FHIP1A: variants seen among roughly 807,000 people sequenced by gnomAD.
The protein encoded by FHIP1A is FHF complex subunit HOOK interacting protein 1A.
In FHIP1A, 61 loss-of-function variants were observed where a neutral mutation model predicts 88.6. That is an observed-to-expected ratio of 0.69 (90% CI 0.56 to 0.85). The LOEUF is 0.85. FHIP1A is among the 40% of genes least tolerant of loss of function. The probability of loss-of-function intolerance (pLI) is 0.00; values close to 1 mark genes in which losing one functional copy is unlikely to be tolerated. For synonymous variants in FHIP1A, 478 were observed against 496.0 expected, an observed-to-expected ratio of 0.96 and a Z score of 0.48; for missense variants, 1,154 against 1,273.5, an observed-to-expected ratio of 0.91 and a Z score of 1.43.
At chr4:151,624,280 T>G (rs1735860895) in intron 7 of FHIP1A, among the ~76,000 whole-genome samples, 1 of 152,152 alleles carries the variant, frequency 6.6e-6, no homozygotes, top group Non-Finnish European at 1.5e-5. Flanking sequence ...TTGGGCCAGT[T>G]AAATGCATTG....
chr4:151,427,844 C>T (rs144336291), intron 1 of FHIP1A, among the ~76,000 whole-genome samples: 74 of 152,038 alleles, frequency 4.9e-4, no homozygotes, highest in African/African-American at 1.3e-3. Flanking sequence ...AAATCATTGG[C>T]GAAGGAATAG....
At chr4:151,429,133 A>G (rs1733496240) in intron 1 of FHIP1A, among the ~76,000 whole-genome samples, 2 of 150,158 alleles carry the variant, frequency 1.3e-5, no homozygotes, top group African/African-American at 2.5e-5. Flanking sequence ...TTACATCACT[A>G]TGTATCTTTT....
intron 7 of FHIP1A, among the ~76,000 whole-genome samples, chr4:151,590,050 A>G (rs1444007465): frequency 6.6e-6 from 1 of 152,188 alleles, no homozygotes; most frequent in Non-Finnish European, 1.5e-5. Context: ...TCTGGAAAAT[A>G]CAGAACTTGT....
rs1401631752 is a variant in FHIP1A, at chr4:151,664,576, A to C, written c.*1822A>C. On this transcript the variant is annotated 3_prime_UTR_variant, in exon 14 of 14. Transcript: ENST00000435205. Reference sequence around the variant, plus strand: ...GCAGCCAGAAGGGATGAAGCACAGCAGACTGGTCTGCTTCTGGCTTCCTGA... The same window carrying C: ...GCAGCCAGAAGGGATGAAGCACAGCCGACTGGTCTGCTTCTGGCTTCCTGA... 6.6e-6 allele frequency among the ~76,000 whole-genome samples: 1 copy of C among 152,236 alleles called. No individual in the cohort carries two copies. The highest frequency in any genetic ancestry group is 1.5e-5 in the Non-Finnish European group (1 of 68,042).
intron 1 of FHIP1A, among the ~76,000 whole-genome samples, chr4:151,410,335 C>T (rs1276490849): frequency 6.6e-6 from 1 of 152,196 alleles, no homozygotes; most frequent in Admixed American, 6.5e-5. Flanking sequence ...GAAGGAGAGA[C>T]AGCTTTCAGG....
chr4:151,562,119 A>G (rs955472229), intron 3 of FHIP1A, among the ~76,000 whole-genome samples: 1 of 152,336 alleles, frequency 6.6e-6, no homozygotes, highest in Admixed American at 6.5e-5. Flanking sequence ...CTCCTAGCTC[A>G]AAGCTCAGGT....
At chr4:151,538,535 A>T (rs1732152725) in intron 3 of FHIP1A, among the ~76,000 whole-genome samples, 1 of 152,204 alleles carries the variant, frequency 6.6e-6, no homozygotes. Flanking sequence ...GGTTCTTAGG[A>T]ATGCTAAAGT....
At chr4:151,541,703 A>G (rs569643641) in intron 3 of FHIP1A, among the ~76,000 whole-genome samples, 1 of 152,308 alleles carries the variant, frequency 6.6e-6, no homozygotes, top group East Asian at 1.9e-4. Flanking sequence ...CTGCTTCTTT[A>G]AAACAAGGGG....
At chr4:151,605,608 C>CA (rs1335397388) in intron 7 of FHIP1A, among the ~76,000 whole-genome samples, 2 of 152,212 alleles carry the variant, frequency 1.3e-5, no homozygotes, top group African/African-American at 4.8e-5. Context: ...GAACAACATA[C>CA]ATGGGTAGAA....
intron 3 of FHIP1A, among the ~76,000 whole-genome samples, chr4:151,512,130 G>T (rs376669460): frequency 6.6e-6 from 1 of 152,208 alleles, no homozygotes; most frequent in East Asian, 1.9e-4. Context: ...CGTGGATCAC[G>T]AAAATCCGCT....
intron 3 of FHIP1A, among the ~76,000 whole-genome samples, chr4:151,509,964 G>A (rs1730970286): frequency 6.6e-6 from 1 of 152,120 alleles, no homozygotes; most frequent in African/African-American, 2.4e-5. Context: ...TTTAAAACAT[G>A]GCAGGTCCTG....
rs548358388 is a variant in FHIP1A, at chr4:151,614,027, G to A, written c.979-15675G>A. Among the ~76,000 whole-genome samples, 4 of 152,198 alleles carry A rather than the reference G, an allele frequency of 2.6e-5. No homozygotes were observed. The South Asian group carries it at 6.2e-4, about 24-fold the overall frequency. ...AAAATACAAAACTTAGCTGGGTGTGGTGGCGCACGCCTGTAGTCTGAGCTA... is the reference window on the plus strand; with the variant it reads ...AAAATACAAAACTTAGCTGGGTGTGATGGCGCACGCCTGTAGTCTGAGCTA... On this transcript the variant is annotated intron_variant, in intron 7 of 13. Coordinates refer to ENST00000435205, the MANE Select transcript of FHIP1A (RefSeq NM_001109977.3).
intron 7 of FHIP1A, among the ~76,000 whole-genome samples, chr4:151,629,336 G>A (rs1412244934): frequency 6.6e-6 from 1 of 152,076 alleles, no homozygotes; most frequent in Non-Finnish European, 1.5e-5. Context: ...AAGTTATTCC[G>A]GGCTTTCTAA....
intron 11 of FHIP1A, among the ~76,000 whole-genome samples, chr4:151,652,642 A>G (rs1443474396): frequency 6.6e-6 from 1 of 152,250 alleles, no homozygotes; most frequent in Non-Finnish European, 1.5e-5. Flanking sequence ...ATTAGTTGTC[A>G]TATGCCAAGA....
intron 2 of FHIP1A, among the ~76,000 whole-genome samples, chr4:151,477,626 G>C (rs1729754634): frequency 6.6e-6 from 1 of 151,984 alleles, no homozygotes; most frequent in Non-Finnish European, 1.5e-5. Flanking sequence ...TTAATAAAAA[G>C]CTCCTAAAAT....
chr4:151,537,511 A>G (rs1027785795), intron 3 of FHIP1A, among the ~76,000 whole-genome samples: 1 of 152,040 alleles, frequency 6.6e-6, no homozygotes, highest in African/African-American at 2.4e-5. Context: ...TTTTTCAAGT[A>G]TGTGGTTTGC....
At chr4:151,574,678 A>C (rs1194038557) in intron 4 of FHIP1A, among the ~76,000 whole-genome samples, 5 of 152,046 alleles carry the variant, frequency 3.3e-5, no homozygotes, top group Admixed American at 2.6e-4. Flanking sequence ...TTTTTATTTA[A>C]ATTATGAAAT....
At chr4:151,558,951 A>G (rs534039698) in intron 3 of FHIP1A, among the ~76,000 whole-genome samples, 2 of 152,370 alleles carry the variant, frequency 1.3e-5, no homozygotes, top group South Asian at 4.1e-4. Context: ...TCTGAAAATA[A>G]GACTACCACT....
chr4:151,517,717 C>T (rs912600899), intron 3 of FHIP1A, among the ~76,000 whole-genome samples: 14 of 152,118 alleles, frequency 9.2e-5, no homozygotes, highest in Admixed American at 2.0e-4. Context: ...TAGTGATGTT[C>T]TGATGATTCT....
Sources: gnomAD v4.1 joint callset for allele counts (sites outside exome capture counted in the v4.1 genomes callset) on GRCh38, gnomAD v4.1.1 for gene constraint, MANE v1.5 for transcripts, NCBI Gene and HGNC (gene_info 2026-07-23, HGNC 2026-07-21) for gene names.